MED12L: variants seen among roughly 807,000 people sequenced by gnomAD.
MED12L encodes the protein mediator complex subunit 12L.
MED12L carries 60 observed loss-of-function variants against 281.3 expected under a neutral mutation model. The observed-to-expected ratio is 0.21, with a 90% CI of 0.17 to 0.26. MED12L has a LOEUF of 0.26. MED12L is among the 10% of genes least tolerant of loss of function. MED12L has a pLI of 1.00. For synonymous variants in MED12L, 974 were observed against 987.2 expected (o/e 0.99, Z 0.25); for missense variants, 2,146 against 2,680.9 (o/e 0.80, Z 4.41).
intron 16 of MED12L, chr3:151,327,309 AAAG>A (rs1017556745): frequency 6.6e-6 from 1 of 152,250 alleles, no homozygotes; most frequent in African/African-American, 2.4e-5. Flanking sequence ...GGAGAATTCC[AAAG>A]AATAGTTAAC....
chr3:151,096,458 A>AT (rs1292242606), intron 2 of MED12L, among the ~76,000 whole-genome samples: 1 of 151,468 alleles, frequency 6.6e-6, no homozygotes, highest in African/African-American at 2.4e-5. Flanking sequence ...TGAGGAATAT[A>AT]TGGCAAGAGA....
At chr3:151,426,186 C>A (rs559730801) in intron 43 of MED12L, among the ~76,000 whole-genome samples, 2 of 152,344 alleles carry the variant, frequency 1.3e-5, no homozygotes, top group South Asian at 4.1e-4. Flanking sequence ...GAATGAACCA[C>A]TTGGGGGAGC....
At chr3:151,158,596 G>A in intron 6 of MED12L, 93 bp from the exon 7 acceptor site, 1 of 730,720 alleles carries the variant, frequency 1.4e-6, no homozygotes, top group African/African-American at 1.8e-5. Flanking sequence ...AACAAAAACA[G>A]TAGTACAGTT....
chr3:151,431,060 G>T (rs1276649259), intron 44 of MED12L, among the ~76,000 whole-genome samples: 2 of 152,142 alleles, frequency 1.3e-5, no homozygotes, highest in Admixed American at 6.5e-5. Context: ...CCCTGGGCGG[G>T]TGTCATAGGA....
chr3:151,193,391 T>C (rs1724236418), intron 15 of MED12L, 99 bp from the exon 16 acceptor site: 2 of 828,670 alleles, frequency 2.4e-6, no homozygotes, highest in South Asian at 1.8e-5. Context: ...TAGGAAAAGG[T>C]GTATAAGTGT....
intron 3 of MED12L, 91 bp from the exon 4 acceptor site, chr3:151,122,692 C>A: frequency 1.1e-6 from 1 of 895,392 alleles, no homozygotes; most frequent in Non-Finnish European, 1.6e-6. Context: ...TGAAGATTTT[C>A]AATTGAAACA....
chr3:151,327,088 A>C (rs1749699279), intron 16 of MED12L: 1 of 152,228 alleles, frequency 6.6e-6, no homozygotes, highest in Non-Finnish European at 1.5e-5. Flanking sequence ...TCTGTCTCTC[A>C]AGAAGCTTTA....
At position 151,358,131 on chromosome 3, in the gene MED12L, T is replaced by C. The variant is rs528198782; in HGVS notation, c.2825+755T>C. 9.2e-5 allele frequency among the ~76,000 whole-genome samples: 14 copies of C among 152,318 alleles called. No homozygotes were observed. The South Asian group carries it at 2.3e-3, about 25-fold the overall frequency. On this transcript the variant is annotated intron_variant, in intron 20 of 44. Coordinates refer to ENST00000687756, the MANE Select transcript of MED12L (RefSeq NM_001393769.1). ...CCTTTTATTTTTTTAATCTAGCACA[T>C]GTAATCAATTTATATGCTATCCTAG...
rs573125239 is a variant in MED12L, at chr3:151,386,873, C to CT, written c.5089-930dup. 5.3e-5 allele frequency among the ~76,000 whole-genome samples: 8 copies of CT among 151,900 alleles called. No individual in the cohort carries two copies. In the East Asian group the frequency reaches 9.7e-4, roughly 18 times the overall value. Reference sequence around the variant, plus strand: ...ACAGGTGTGAGCCACCACACCTAGCCTTTTTTTGTATTCTTAGTAGAGACG... The same window carrying CT: ...ACAGGTGTGAGCCACCACACCTAGCCTTTTTTTTGTATTCTTAGTAGAGACG... On this transcript the variant is annotated intron_variant, in intron 36 of 44. Coordinates refer to ENST00000687756, the MANE Select transcript of MED12L (RefSeq NM_001393769.1).
intron 2 of MED12L, among the ~76,000 whole-genome samples, chr3:151,091,895 A>G (rs564724416): frequency 6.6e-6 from 1 of 152,276 alleles, no homozygotes; most frequent in East Asian, 1.9e-4. Context: ...CCAACTTCAT[A>G]GAGTTGCTGG....
intron 16 of MED12L, among the ~76,000 whole-genome samples, chr3:151,224,658 G>T (rs1039545965): frequency 6.6e-6 from 1 of 152,146 alleles, no homozygotes; most frequent in African/African-American, 2.4e-5. Context: ...CCCAGAAGAA[G>T]GAATCCTCCT....
chr3:151,279,925 T>A (rs1260377301), intron 16 of MED12L, among the ~76,000 whole-genome samples: 1 of 152,152 alleles, frequency 6.6e-6, no homozygotes, highest in Non-Finnish European at 1.5e-5. Flanking sequence ...CTTCTTGACT[T>A]CCCCGTGGGG....
At chr3:151,349,868 TATA>T (rs1753005249) in intron 16 of MED12L, among the ~76,000 whole-genome samples, 188 bp from the exon 17 acceptor site, 1 of 151,376 alleles carries the variant, frequency 6.6e-6, no homozygotes, top group Admixed American at 6.6e-5. Context: ...TTTTTTTTTT[TATA>T]ATGTTAGCAA....
intron 12 of MED12L, among the ~76,000 whole-genome samples, chr3:151,186,442 C>T (rs555539714): frequency 1.3e-5 from 2 of 152,318 alleles, no homozygotes; most frequent in Non-Finnish European, 2.9e-5. Context: ...TCCTGAGCTA[C>T]CTCACCTGCC....
chr3:151,213,448 A>G lies in MED12L; in HGVS notation c.2250+19782A>G, dbSNP rs758370216. The G allele has an allele frequency of 2.8e-5, 46 of 1,614,114 alleles. No homozygotes were observed. The East Asian group carries it at 1.0e-3, about 35-fold the overall frequency. On this transcript the variant is annotated intron_variant, in intron 16 of 44. Transcript: ENST00000687756. ...TAGAAAGAAATAAATAATAGGGTCCAAGCATACATTTGCAGCAGATAGTAG... is the reference window on the plus strand; with the variant it reads ...TAGAAAGAAATAAATAATAGGGTCCGAGCATACATTTGCAGCAGATAGTAG...
intron 12 of MED12L, among the ~76,000 whole-genome samples, chr3:151,187,385 C>A (rs979111336): frequency 1.3e-5 from 2 of 152,070 alleles, no homozygotes; most frequent in African/African-American, 4.8e-5. Flanking sequence ...ATATAGATTA[C>A]CTTGTAATTT....
At position 151,254,001 on chromosome 3, in the gene MED12L, T is replaced by TG. The variant is rs1737331877; in HGVS notation, c.2250+60335_2250+60336insG. ...TCTTTTTGTTTTGATTTTTTCTTGT[T>TG]TTTTTTTTTTGTTAATTTAAACTTT... On this transcript the variant is annotated intron_variant, in intron 16 of 44. Transcript: ENST00000687756. Among the ~76,000 whole-genome samples, 4 of 150,040 alleles carry TG rather than the reference T, an allele frequency of 2.7e-5. No homozygotes were observed. The South Asian group carries it at 8.4e-4, about 32-fold the overall frequency.
intron 43 of MED12L, among the ~76,000 whole-genome samples, chr3:151,421,979 G>A (rs1239161983): frequency 6.6e-6 from 1 of 152,040 alleles, no homozygotes; most frequent in Non-Finnish European, 1.5e-5. Flanking sequence ...GTAACACATT[G>A]CCCCCCATCC....
At chr3:151,385,672 C>T (rs957854047) in intron 36 of MED12L, among the ~76,000 whole-genome samples, 21 of 150,046 alleles carry the variant, frequency 1.4e-4, no homozygotes, top group Non-Finnish European at 2.1e-4. Context: ...TGTGAATAGC[C>T]ACTACACCCT....
Sources: allele counts gnomAD v4.1 joint callset (sites outside exome capture counted in the v4.1 genomes callset), GRCh38; gene constraint gnomAD v4.1.1; transcripts MANE v1.5; gene names NCBI Gene and HGNC (gene_info 2026-07-23, HGNC 2026-07-21).